The following GRID1 variants were observed in gnomAD, a reference collection of about 807,000 sequenced individuals.
GRID1 encodes glutamate ionotropic receptor delta type subunit 1.
A neutral mutation model predicts 98.0 loss-of-function variants in GRID1; 28 were observed. That is an observed-to-expected ratio of 0.29 (90% CI 0.21 to 0.39). The LOEUF (loss-of-function observed/expected upper bound fraction) is 0.39. Among genes scored for constraint, GRID1 ranks in the 10% least tolerant of loss-of-function variants. GRID1 has a pLI of 1.00. For synonymous variants in GRID1, 553 were observed against 538.5 expected (o/e 1.03, Z -0.37); for missense variants, 1,111 against 1,340.5 (o/e 0.83, Z 2.67).
intron 2 of GRID1, among the ~76,000 whole-genome samples, chr10:86,330,131 G>A (rs1440624803): frequency 6.6e-6 from 1 of 152,100 alleles, no homozygotes; most frequent in Non-Finnish European, 1.5e-5. Context: ...CAGGGCAGGA[G>A]CGCATCTCTG....
At chr10:85,897,466 C>T (rs1196396008) in intron 5 of GRID1, among the ~76,000 whole-genome samples, 1 of 152,134 alleles carries the variant, frequency 6.6e-6, no homozygotes, top group Non-Finnish European at 1.5e-5. Context: ...TTAACCCATC[C>T]CCAATACACT....
At chr10:86,261,001 G>A (rs76007857) in intron 2 of GRID1, among the ~76,000 whole-genome samples, 1,637 of 152,322 alleles carry the variant, frequency 0.011, 31 homozygotes, top group South Asian at 0.033. Flanking sequence ...TCCTCAAACC[G>A]AAGAAAAAGC....
intron 12 of GRID1, among the ~76,000 whole-genome samples, chr10:85,702,933 C>T (rs982466560): frequency 1.4e-5 from 2 of 146,332 alleles, no homozygotes; most frequent in South Asian, 2.2e-4. Context: ...AGAAGGGGAG[C>T]ATAAGGAAAA....
intron 3 of GRID1, among the ~76,000 whole-genome samples, chr10:86,144,676 C>T (rs1362824687): frequency 6.6e-6 from 1 of 152,186 alleles, no homozygotes; most frequent in Non-Finnish European, 1.5e-5. Flanking sequence ...ATGCCCTCTC[C>T]CCCTGGGCTT....
chr10:85,968,247 G>A (rs991767638), intron 4 of GRID1, among the ~76,000 whole-genome samples: 3 of 145,632 alleles, frequency 2.1e-5, no homozygotes, highest in Non-Finnish European at 4.5e-5. Flanking sequence ...TCAAGAGATC[G>A]AGACCATCCT....
intron 3 of GRID1, among the ~76,000 whole-genome samples, chr10:86,184,461 CTTTT>C (rs1198471392): frequency 4.9e-5 from 6 of 123,030 alleles, no homozygotes; most frequent in Non-Finnish European, 6.7e-5. Context: ...TTTCTTTTTT[CTTTT>C]TTTTTTTTTT....
chr10:85,744,628 A>C (rs2132677778), intron 8 of GRID1, among the ~76,000 whole-genome samples: 1 of 107,386 alleles, frequency 9.3e-6, no homozygotes, highest in East Asian at 2.6e-4. Context: ...CTAGAAGAAA[A>C]CCTAGGCATT....
intron 3 of GRID1, among the ~76,000 whole-genome samples, chr10:86,146,421 C>G (rs1168030521): frequency 2.0e-5 from 3 of 152,204 alleles, no homozygotes. Flanking sequence ...GCACATTCCC[C>G]TCCCACCACC....
chr10:86,327,215 T>C (rs1317078611), intron 2 of GRID1, among the ~76,000 whole-genome samples: 1 of 152,212 alleles, frequency 6.6e-6, no homozygotes, highest in Non-Finnish European at 1.5e-5. Context: ...ATCCTTACAT[T>C]TATGCTATAG....
chr10:86,234,128 G>A (rs1264396323), intron 2 of GRID1, among the ~76,000 whole-genome samples: 4 of 152,146 alleles, frequency 2.6e-5, no homozygotes, highest in Admixed American at 2.0e-4. Flanking sequence ...CACACTTCTA[G>A]GAAAACTCTG....
At chr10:86,225,896 G>A (rs1218184525) in intron 2 of GRID1, among the ~76,000 whole-genome samples, 1 of 152,194 alleles carries the variant, frequency 6.6e-6, no homozygotes, top group Non-Finnish European at 1.5e-5. Context: ...TCACGGCCGT[G>A]TGTGAGCATC....
At chr10:86,228,420 TAGA>T (rs1846392628) in intron 2 of GRID1, among the ~76,000 whole-genome samples, 1 of 152,046 alleles carries the variant, frequency 6.6e-6, no homozygotes, top group Non-Finnish European at 1.5e-5. Flanking sequence ...CAAAGGCACT[TAGA>T]AGGATTAAGC....
chr10:85,608,605 CCTTAATAAGAG>C (rs766476667), intron 15 of GRID1, among the ~76,000 whole-genome samples: 2 of 152,174 alleles, frequency 1.3e-5, no homozygotes, highest in African/African-American at 4.8e-5. Flanking sequence ...ATTCATCACC[CCTTAATAAGAG>C]CTTCCACTGT....
chr10:86,135,922 C>T (rs1360226349), intron 4 of GRID1, among the ~76,000 whole-genome samples: 1 of 152,254 alleles, frequency 6.6e-6, no homozygotes, highest in Admixed American at 6.5e-5. Context: ...AGGAAAGCCC[C>T]ATAGCCCATG....
At chr10:86,085,698 C>T (rs1844043153) in intron 4 of GRID1, among the ~76,000 whole-genome samples, 1 of 152,146 alleles carries the variant, frequency 6.6e-6, no homozygotes, top group Admixed American at 6.5e-5. Flanking sequence ...CTGTCACCTC[C>T]ATCCAATGGT....
intron 8 of GRID1, among the ~76,000 whole-genome samples, chr10:85,834,439 C>CA (rs1459520057): frequency 1.2e-4 from 19 of 152,054 alleles, no homozygotes; most frequent in African/African-American, 4.6e-4. Context: ...CCTAGAAGAC[C>CA]AATCCTTCGA....
At chr10:86,273,628 C>T (rs1389087560) in intron 2 of GRID1, among the ~76,000 whole-genome samples, 1 of 152,030 alleles carries the variant, frequency 6.6e-6, no homozygotes, top group African/African-American at 2.4e-5. Flanking sequence ...GGTAGTATCT[C>T]ATTGTGGTTT....
chr10:86,258,294 T>C (rs193199240), intron 2 of GRID1, among the ~76,000 whole-genome samples: 53 of 152,320 alleles, frequency 3.5e-4, no homozygotes, highest in Middle Eastern at 6.8e-3. Flanking sequence ...AATTAATATC[T>C]GTATGATTCT....
chr10:86,097,761 T>C (rs910153749), intron 4 of GRID1, among the ~76,000 whole-genome samples: 10 of 152,224 alleles, frequency 6.6e-5, no homozygotes, highest in African/African-American at 2.4e-4. Flanking sequence ...TATTGAACTC[T>C]TGACAGTGGT....
Sources: allele counts gnomAD v4.1 joint callset (sites outside exome capture counted in the v4.1 genomes callset), GRCh38; gene constraint gnomAD v4.1.1; transcripts MANE v1.5; gene names NCBI Gene and HGNC (gene_info 2026-07-23, HGNC 2026-07-21).